The following KCNN2 variants were observed in gnomAD, a reference collection of about 807,000 sequenced individuals.
The protein encoded by KCNN2 is small conductance calcium-activated potassium channel protein 2.
A neutral mutation model predicts 55.5 loss-of-function variants in KCNN2; 24 were observed. The observed-to-expected ratio is 0.43, with a 90% CI of 0.31 to 0.61. The LOEUF is 0.61. KCNN2 is among the 20% of genes least tolerant of loss of function. KCNN2 has a pLI of 0.08. For synonymous variants in KCNN2, 431 were observed against 336.1 expected (o/e 1.28, Z -3.09); for missense variants, 754 against 853.6 (o/e 0.88, Z 1.45).
intron 3 of KCNN2, among the ~76,000 whole-genome samples, chr5:114,411,939 C>A (rs1759148406): frequency 1.3e-5 from 2 of 152,064 alleles, no homozygotes; most frequent in African/African-American, 4.8e-5. Flanking sequence ...CAAATCATGC[C>A]CCATAATAAA....
intron 3 of KCNN2, among the ~76,000 whole-genome samples, chr5:114,453,083 T>C (rs577261439): frequency 1.2e-3 from 180 of 152,322 alleles, no homozygotes; most frequent in Middle Eastern, 0.01. Context: ...CCACTTGCCC[T>C]ACAGCCACAT....
At chr5:114,076,678 G>A (rs993303898) in intron 1 of KCNN2, among the ~76,000 whole-genome samples, 3 of 152,054 alleles carry the variant, frequency 2.0e-5, no homozygotes, top group Non-Finnish European at 2.9e-5. Flanking sequence ...GGTTTTCAAA[G>A]AACTTTTTTA....
intron 2 of KCNN2, among the ~76,000 whole-genome samples, chr5:114,230,282 T>C (rs1754331454): frequency 8.4e-6 from 1 of 118,434 alleles, no homozygotes; most frequent in Non-Finnish European, 1.7e-5. Flanking sequence ...TTTTTTTCTT[T>C]CTTTCTTTTT....
chr5:114,364,062 C>A, intron 2 of KCNN2, 61 bp downstream of exon 2: 1 of 1,236,382 alleles, frequency 8.1e-7, no homozygotes, highest in Non-Finnish European at 1.2e-6. Flanking sequence ...TAGAGAAACG[C>A]AAGGCAGCAG....
intron 2 of KCNN2, among the ~76,000 whole-genome samples, chr5:114,222,718 G>A (rs1296239061): frequency 6.6e-6 from 1 of 152,148 alleles, no homozygotes; most frequent in African/African-American, 2.4e-5. Flanking sequence ...GAAGCTGAAT[G>A]AGACATTAAT....
intron 1 of KCNN2, among the ~76,000 whole-genome samples, chr5:114,182,905 A>T (rs1391875111): frequency 2.6e-5 from 4 of 152,166 alleles, no homozygotes; most frequent in Non-Finnish European, 5.9e-5. Context: ...ACAATGTTGA[A>T]TAGAAGTTTT....
In KCNN2 at chr5:114,089,435, G is replaced by A. The variant is rs188823758; in HGVS notation, c.-271+32935G>A. On this transcript the variant is annotated intron_variant, in intron 1 of 10. Coordinates refer to the KCNN2 transcript ENST00000512097. ...GAATGTCTCCCAACGCAGTGGGAGCGCCAGTTGTTCAGTGTACAAAAGCCT... is the reference window on the plus strand; with the variant it reads ...GAATGTCTCCCAACGCAGTGGGAGCACCAGTTGTTCAGTGTACAAAAGCCT... Among the ~76,000 whole-genome samples the A allele has an allele frequency of 4.8e-4, 73 of 152,256 alleles. 1 individual carries two copies. Among genetic ancestry groups the A allele is most frequent in the African/African-American group, 1.2e-3 (49 of 41,558 alleles).
chr5:114,294,015 A>G (rs1755952743), intron 2 of KCNN2, among the ~76,000 whole-genome samples: 1 of 152,058 alleles, frequency 6.6e-6, no homozygotes, highest in Non-Finnish European at 1.5e-5. Context: ...GGTAGTTTGT[A>G]TTTCTGTGGG....
chr5:114,408,672 A>G (rs1177524749), intron 3 of KCNN2, among the ~76,000 whole-genome samples: 2 of 152,198 alleles, frequency 1.3e-5, no homozygotes, highest in Admixed American at 6.5e-5. Context: ...GGAAATAGCC[A>G]GGTCTGACAA....
chr5:114,358,887 T>C (rs1757350832), upstream of KCNN2, among the ~76,000 whole-genome samples: 1 of 152,232 alleles, frequency 6.6e-6, no homozygotes, highest in Non-Finnish European at 1.5e-5. Context: ...GTTGACTTTA[T>C]TAAAAGAGGA....
intron 2 of KCNN2, among the ~76,000 whole-genome samples, chr5:114,329,402 A>G (rs1756768290): frequency 6.6e-6 from 1 of 152,202 alleles, no homozygotes. Flanking sequence ...GCTAGAATAA[A>G]GTAGGCAGGA....
intron 1 of KCNN2, among the ~76,000 whole-genome samples, chr5:114,198,305 A>G (rs927477209): frequency 6.8e-6 from 1 of 148,020 alleles, no homozygotes; most frequent in African/African-American, 2.5e-5. Context: ...CAAATACTAG[A>G]ATTACTTTTG....
intron 1 of KCNN2, among the ~76,000 whole-genome samples, chr5:114,154,168 A>G (rs2112521383): frequency 6.6e-6 from 1 of 152,274 alleles, no homozygotes; most frequent in South Asian, 2.1e-4. Context: ...AATGATACCA[A>G]GGTCACTGAG....
intron 3 of KCNN2, among the ~76,000 whole-genome samples, chr5:114,409,388 C>T (rs1020313079): frequency 3.3e-5 from 5 of 152,150 alleles, no homozygotes; most frequent in African/African-American, 9.7e-5. Flanking sequence ...TCACCAGTAT[C>T]TTACGCTTCC....
intron 3 of KCNN2, among the ~76,000 whole-genome samples, chr5:114,422,763 T>G (rs985934995): frequency 6.6e-6 from 1 of 152,222 alleles, no homozygotes; most frequent in African/African-American, 2.4e-5. Context: ...CTGTTTTTTT[T>G]GAGCAAATGT....
intron 3 of KCNN2, among the ~76,000 whole-genome samples, chr5:114,422,951 A>G (rs1759513164): frequency 6.6e-6 from 1 of 152,248 alleles, no homozygotes; most frequent in African/African-American, 2.4e-5. Context: ...AGAAGGTAAA[A>G]GTTACAATTC....
At chr5:114,136,001 G>A (rs1238302850) in intron 1 of KCNN2, among the ~76,000 whole-genome samples, 1 of 151,944 alleles carries the variant, frequency 6.6e-6, no homozygotes, top group Non-Finnish European at 1.5e-5. Context: ...GAGGGGAGGA[G>A]AACATTGAAA....
intron 2 of KCNN2, among the ~76,000 whole-genome samples, chr5:114,256,179 C>A (rs116570763): frequency 1.3e-5 from 2 of 151,972 alleles, no homozygotes; most frequent in Non-Finnish European, 1.5e-5. Context: ...GATGTGACTT[C>A]GTTATTTTTC....
At chr5:114,069,854 G>C (rs1206418953) in intron 1 of KCNN2, among the ~76,000 whole-genome samples, 2 of 152,210 alleles carry the variant, frequency 1.3e-5, no homozygotes, top group Non-Finnish European at 2.9e-5. Context: ...AACAAAGGGA[G>C]TGCCGGTGAT....
Sources: allele counts gnomAD v4.1 joint callset (sites outside exome capture counted in the v4.1 genomes callset), GRCh38; gene constraint gnomAD v4.1.1; transcripts MANE v1.5; gene names NCBI Gene and HGNC (gene_info 2026-07-23, HGNC 2026-07-21).